The following CREB3L2 variants were observed in gnomAD, a reference collection of about 807,000 sequenced individuals.
CREB3L2 encodes cAMP responsive element binding protein 3 like 2, also known as cyclic AMP-responsive element-binding protein 3-like protein 2.
Under a neutral mutation model 57.2 loss-of-function variants are expected in CREB3L2, and 23 were observed. The observed-to-expected ratio is 0.40, with a 90% CI of 0.29 to 0.57. The LOEUF (loss-of-function observed/expected upper bound fraction) is 0.57. Ranked by LOEUF, CREB3L2 falls within the 20% of genes least tolerant of loss-of-function variation. The probability of loss-of-function intolerance (pLI) is 0.42; values close to 1 mark genes in which losing one functional copy is unlikely to be tolerated. For missense variants in CREB3L2, 628 were observed against 634.7 expected (o/e 0.99, Z 0.11); for synonymous variants, 268 against 265.1 (o/e 1.01, Z -0.11).
chr7:137,997,500 C>A (rs948400379), intron 1 of CREB3L2, among the ~76,000 whole-genome samples: 8 of 152,062 alleles, frequency 5.3e-5, no homozygotes, highest in Non-Finnish European at 8.8e-5. Flanking sequence ...GCAAGAGGGT[C>A]CCTTAAACCC....
chr7:137,923,859 A>G (rs1040519130), intron 2 of CREB3L2, among the ~76,000 whole-genome samples: 5 of 152,190 alleles, frequency 3.3e-5, no homozygotes, highest in Non-Finnish European at 5.9e-5. Flanking sequence ...CATGGCAGCC[A>G]TAAGATCTTC....
chr7:137,888,102 G>A lies in CREB3L2; in HGVS notation c.1044-2600C>T, dbSNP rs193073972. 2.9e-4 allele frequency among the ~76,000 whole-genome samples: 44 copies of A among 152,300 alleles called. No individual in the cohort carries two copies. The East Asian group carries it at 8.1e-3, about 28-fold the overall frequency. On this transcript the variant is annotated intron_variant, in intron 8 of 11. Coordinates refer to ENST00000330387, the MANE Select transcript of CREB3L2 (RefSeq NM_194071.4). ...TGAGTAGCTGGGAGGGAATACAGGT[G>A]TGAGTCATCATGCCCAGCTAAGTTT... is the stretch of plus-strand genomic sequence containing the variant.
intron 2 of CREB3L2, among the ~76,000 whole-genome samples, chr7:137,921,575 G>A (rs1020930753): frequency 2.6e-5 from 4 of 152,124 alleles, no homozygotes; most frequent in Admixed American, 6.5e-5. Context: ...TTCCATAGGT[G>A]CCACGTAGCT....
chr7:137,915,555 C>T (rs1800109223), intron 3 of CREB3L2, among the ~76,000 whole-genome samples: 1 of 151,904 alleles, frequency 6.6e-6, no homozygotes, highest in Non-Finnish European at 1.5e-5. Flanking sequence ...TTTTTTTTAC[C>T]ATAGATATTT....
At chr7:137,977,666 C>T (rs1563271750) in intron 1 of CREB3L2, among the ~76,000 whole-genome samples, 2 of 152,086 alleles carry the variant, frequency 1.3e-5, no homozygotes. Flanking sequence ...CATGCCTGTA[C>T]GCCCAGCACT....
At chr7:137,988,447 T>G (rs1801826757) in intron 1 of CREB3L2, among the ~76,000 whole-genome samples, 1 of 152,250 alleles carries the variant, frequency 6.6e-6, no homozygotes, top group African/African-American at 2.4e-5. Flanking sequence ...CTTATTATTA[T>G]GTCATACAAA....
At chr7:137,944,574 T>C (rs1455084093) in intron 1 of CREB3L2, among the ~76,000 whole-genome samples, 2 of 152,198 alleles carry the variant, frequency 1.3e-5, no homozygotes, top group African/African-American at 4.8e-5. Flanking sequence ...TGATCAAAGG[T>C]AGATATCCCT....
At chr7:137,989,472 A>G (rs1381919291) in intron 1 of CREB3L2, among the ~76,000 whole-genome samples, 1 of 86,612 alleles carries the variant, frequency 1.2e-5, no homozygotes, top group African/African-American at 4.5e-5. Context: ...TCTGGGTTCT[A>G]TCTGTAGGGT....
intron 2 of CREB3L2, among the ~76,000 whole-genome samples, chr7:137,923,542 A>C (rs2117232766): frequency 6.6e-6 from 1 of 152,302 alleles, no homozygotes; most frequent in Non-Finnish European, 1.5e-5. Flanking sequence ...GATGATTCAG[A>C]GTGATGTTCT....
intron 8 of CREB3L2, among the ~76,000 whole-genome samples, chr7:137,898,266 T>C (rs1324814430): frequency 2.0e-5 from 3 of 152,200 alleles, no homozygotes; most frequent in African/African-American, 7.2e-5. Context: ...GCGAAAAGTG[T>C]TGGCAATGGT....
intron 4 of CREB3L2, among the ~76,000 whole-genome samples, chr7:137,912,653 G>C (rs1468040036): frequency 6.6e-6 from 1 of 152,144 alleles, no homozygotes; most frequent in African/African-American, 2.4e-5. Context: ...GGCTACGTAG[G>C]GTTCACGCCT....
At chr7:137,882,318 C>A (rs909009376) in intron 11 of CREB3L2, 94 bp downstream of exon 11, 6 of 909,586 alleles carry the variant, frequency 6.6e-6, no homozygotes, top group Middle Eastern at 2.9e-4. Context: ...CTGAACCAGG[C>A]CTATGGAGAG....
At chr7:137,948,949 C>T (rs1284835206) in intron 1 of CREB3L2, among the ~76,000 whole-genome samples, 1 of 152,166 alleles carries the variant, frequency 6.6e-6, no homozygotes, top group African/African-American at 2.4e-5. Context: ...TGTCTGTTAC[C>T]AACTTACACC....
chr7:137,978,711 G>T (rs769324272), intron 1 of CREB3L2, among the ~76,000 whole-genome samples: 37 of 152,314 alleles, frequency 2.4e-4, no homozygotes, highest in Non-Finnish European at 3.8e-4. Context: ...TGAGAGGAAG[G>T]GGGGCTATCC....
rs1799257630 is a variant in CREB3L2, at chr7:137,880,027, A to G, written c.*449T>C. ...CACACCAGAGACCCCAGTGCGAGCA[A>G]CGGAGGACACGGGTCAGTGCTTTGC... On this transcript the variant is annotated 3_prime_UTR_variant, in exon 12 of 12. Transcript: ENST00000330387. This position sits in a 1 kb window ranked among gnomAD's most constrained non-coding sequence, Gnocchi z 4.0. 3.9e-6 allele frequency: 1 copy of G among 253,948 alleles called. No homozygotes were observed. Among genetic ancestry groups the G allele is most frequent in the Non-Finnish European group, 7.7e-6 (1 of 130,566 alleles). 15.7% of individuals were successfully genotyped at this position (253,948 alleles called of 1,614,324 possible).
chr7:137,879,519 C>G lies in CREB3L2; in HGVS notation c.*957G>C, dbSNP rs1799239581. 3.6e-6 allele frequency: 1 copy of G among 280,746 alleles called. No homozygotes were observed. Among genetic ancestry groups the G allele is most frequent in the Non-Finnish European group, 6.9e-6 (1 of 145,938 alleles). The allele number at this position is 280,746 out of a possible 1,614,324, so 17.4% of individuals were successfully genotyped here. On this transcript the variant is annotated 3_prime_UTR_variant, in exon 12 of 12. Coordinates refer to ENST00000330387, the MANE Select transcript of CREB3L2 (RefSeq NM_194071.4). The stretch of plus-strand genomic sequence containing the variant: ...TCTCGCTCTGAGCTCATCCTAGAGG[C>G]AGACACATACATGCTCAAAGGAACT...
intron 1 of CREB3L2, among the ~76,000 whole-genome samples, chr7:137,991,775 GT>G (rs1189517827): frequency 1.7e-4 from 26 of 151,910 alleles, no homozygotes; most frequent in Non-Finnish European, 3.4e-4. Flanking sequence ...AGGCATGGTG[GT>G]GGGCACCTGT....
At chr7:137,918,091 C>T (rs968455375) in intron 2 of CREB3L2, among the ~76,000 whole-genome samples, 3 of 152,262 alleles carry the variant, frequency 2.0e-5, no homozygotes, top group Admixed American at 1.3e-4. Flanking sequence ...AGACAATGTC[C>T]GCTGCAAAGA....
chr7:137,994,277 T>C (rs1424968790), intron 1 of CREB3L2, among the ~76,000 whole-genome samples: 1 of 152,246 alleles, frequency 6.6e-6, no homozygotes, highest in Non-Finnish European at 1.5e-5. Flanking sequence ...CCGGCAGTTT[T>C]AGCTGCAGAC....
Sources: gnomAD v4.1 joint callset for allele counts (sites outside exome capture counted in the v4.1 genomes callset) on GRCh38, gnomAD v4.1.1 for gene constraint, Gnocchi (gnomAD v3.1) non-coding constraint, MANE v1.5 for transcripts, NCBI Gene and HGNC (gene_info 2026-07-23, HGNC 2026-07-21) for gene names.